The following ZNF142 variants were observed in gnomAD, a reference collection of about 807,000 sequenced individuals.
ZNF142 encodes zinc finger protein 142.
Under a neutral mutation model 132.1 loss-of-function variants are expected in ZNF142, and 96 were observed. That is an observed-to-expected ratio of 0.73 (90% CI 0.62 to 0.86). The LOEUF is 0.86. Among genes scored for constraint, ZNF142 ranks in the 40% least tolerant of loss-of-function variants. ZNF142 has a pLI of 0.00. For missense variants in ZNF142, 2,163 were observed against 2,336.2 expected, an observed-to-expected ratio of 0.93 and a Z score of 1.53; for synonymous variants, 842 against 890.1, an observed-to-expected ratio of 0.95 and a Z score of 0.96.
intron 10 of ZNF142, among the ~76,000 whole-genome samples, chr2:218,639,757 A>T (rs549370942): frequency 6.7e-6 from 1 of 150,336 alleles, no homozygotes; most frequent in South Asian, 2.1e-4. Flanking sequence ...AAAAAAGTAA[A>T]AGAAATACTT....
intron 4 of ZNF142, among the ~76,000 whole-genome samples, chr2:218,655,630 C>T (rs1461784727): frequency 3.9e-5 from 6 of 152,164 alleles, no homozygotes; most frequent in African/African-American, 1.4e-4. Context: ...GCTGAGACTA[C>T]AGGTGCATGC....
intron 9 of ZNF142, among the ~76,000 whole-genome samples, chr2:218,641,397 A>G (rs973759863): frequency 2.0e-5 from 3 of 151,696 alleles, no homozygotes; most frequent in African/African-American, 7.3e-5. Flanking sequence ...GGTGCCCGCC[A>G]CCACACCCGG....
rs141081638 is a variant in ZNF142, at chr2:218,658,291, G to A, written c.-35+410C>T. 3.3e-5 allele frequency among the ~76,000 whole-genome samples: 5 copies of A among 152,308 alleles called. No homozygotes were observed. The East Asian group carries it at 9.7e-4, about 29-fold the overall frequency. ...GCGGTGGCTCAGGCCTGTAATCCCA[G>A]CACTTTGGGAGGCCAAGGCGGGCCG... On this transcript the variant is annotated intron_variant, in intron 3 of 10. Coordinates refer to ENST00000411696, the MANE Select transcript of ZNF142 (RefSeq NM_001379659.1).
chr2:218,653,325 C>A (rs1012975593), intron 4 of ZNF142, among the ~76,000 whole-genome samples: 1 of 151,738 alleles, frequency 6.6e-6, no homozygotes. Flanking sequence ...CACCTGTAAT[C>A]CCAGCATTTT....
In ZNF142 at chr2:218,636,325, TTA is replaced by T; in HGVS notation, c.*2012_*2013del. Reference sequence around the variant, plus strand: ...CCATGCTGCGTTTTGTGGTAATGGATTATGACTGGAAATCCCGAAATGACTTT... The same window carrying T: ...CCATGCTGCGTTTTGTGGTAATGGATTGACTGGAAATCCCGAAATGACTTT... On this transcript the variant is annotated 3_prime_UTR_variant, in exon 11 of 11. Coordinates refer to ENST00000411696, the MANE Select transcript of ZNF142 (RefSeq NM_001379659.1). 6.2e-7 allele frequency: 1 copy of T among 1,614,044 alleles called. No homozygotes were observed. Among genetic ancestry groups the T allele is most frequent in the African/African-American group, 1.3e-5 (1 of 75,062 alleles).
rs1425877747 is a variant in ZNF142, at chr2:218,644,968, C to T, written c.2148G>A (p.Val716=). 2.5e-6 allele frequency: 4 copies of T among 1,614,058 alleles called. No homozygotes were observed. In the African/African-American group the frequency reaches 4.0e-5, roughly 16 times the overall value. The change falls in exon 9 of 11, where the codon GTG becomes GTA. Residue 716 remains valine, a synonymous_variant. Transcript: ENST00000411696. The surrounding 1 kb of genome is among the most constrained non-coding windows in gnomAD (Gnocchi z 4.6). ...ACTTCCGCTTGCAGGCGAAGGCACA[C>T]ACCTCACACATCAGAGACTTGCCCT... ...RHQGKSLMCE[V]CAFACKRKYE... is the part of the protein sequence containing the mutation.
chr2:218,634,361 T>C lies in ZNF142; in HGVS notation c.*3978A>G. The C allele has an allele frequency of 1.9e-6, 3 of 1,572,082 alleles. No individual in the cohort carries two copies. Among genetic ancestry groups the C allele is most frequent in the Non-Finnish European group, 2.6e-6 (3 of 1,155,734 alleles). On this transcript the variant is annotated 3_prime_UTR_variant, in exon 11 of 11. Coordinates refer to ENST00000411696, the MANE Select transcript of ZNF142 (RefSeq NM_001379659.1). This position sits in a 1 kb window ranked among gnomAD's most constrained non-coding sequence, Gnocchi z 4.0. ...GCTATCAGTGGATATTACCAGCAGG[T>C]ACCGTGCACCCAGTACCTATCTTCT...
rs758604324 is a variant in ZNF142, at chr2:218,636,309, G to A, written c.*2030C>T. The stretch of plus-strand genomic sequence containing the variant: ...CTGGTGCCTGAACTTGCCATGCTGC[G>A]TTTTGTGGTAATGGATTATGACTGG... On this transcript the variant is annotated 3_prime_UTR_variant, in exon 11 of 11. Transcript: ENST00000411696. The A allele has an allele frequency of 1.1e-5, 17 of 1,614,006 alleles. No individual in the cohort carries two copies. In the South Asian group the frequency reaches 1.1e-4, roughly 10 times the overall value.
chr2:218,640,527 AC>A, intron 10 of ZNF142, 136 bp downstream of exon 10: 1 of 737,008 alleles, frequency 1.4e-6, no homozygotes, highest in Non-Finnish European at 2.3e-6. Flanking sequence ...TCTGGCACAT[AC>A]AACCCCACCC....
Position 218,635,731 on chromosome 2 carries a change from G to T in ZNF142, c.*2608C>A. ...AAAAAGCTTCTTCTCCCCTGGGGTTGGGAGTAGGGTCGGGTGGGGCTGGGC... is the reference window on the plus strand; with the variant it reads ...AAAAAGCTTCTTCTCCCCTGGGGTTTGGAGTAGGGTCGGGTGGGGCTGGGC... On this transcript the variant is annotated 3_prime_UTR_variant, in exon 11 of 11. Coordinates refer to ENST00000411696, the MANE Select transcript of ZNF142 (RefSeq NM_001379659.1). 6.4e-7 allele frequency: 1 copy of T among 1,553,456 alleles called. No homozygotes were observed. Among genetic ancestry groups the T allele is most frequent in the South Asian group, 1.2e-5 (1 of 83,826 alleles).
chr2:218,652,272 G>T lies in ZNF142; in HGVS notation c.309C>A (p.Tyr103Ter). The T allele has an allele frequency of 2.2e-6, 1 of 457,070 alleles. No homozygotes were observed. The highest frequency in any genetic ancestry group is 1.5e-5 in the South Asian group (1 of 64,568). 28.3% of individuals were successfully genotyped at this position (457,070 alleles called of 1,614,324 possible). A position where few individuals can be genotyped will look rare whatever the true frequency, so the allele number is the denominator to read the frequency against. The change falls in exon 5 of 11, where the codon TAC (tyrosine) becomes TAA (stop). Residue 103 changes from tyrosine to a stop codon, truncating the protein, a stop_gained. Coordinates refer to ENST00000411696, the MANE Select transcript of ZNF142 (RefSeq NM_001379659.1). LOFTEE classifies it high-confidence loss of function. ...PGVLVKVVEV[Y>*]FCERCEQSFA... ...AGCTCTGTTCACAGCGCTCACAGAA[G>T]TACACCTCCACCACCTTTACCAGGA...
chr2:218,642,126 G>C lies in ZNF142; in HGVS notation c.4990C>G (p.Arg1664Gly), dbSNP rs766302289. The C allele has an allele frequency of 6.2e-7, 1 of 1,614,168 alleles. No homozygotes were observed. Among genetic ancestry groups the C allele is most frequent in the South Asian group, 1.1e-5 (1 of 91,084 alleles). The change falls in exon 9 of 11, where the codon CGA (arginine) becomes GGA (glycine). Residue 1664 changes from arginine to glycine, a missense_variant. By Grantham distance (125) the Arg-to-Gly change is moderately radical. Coordinates refer to ENST00000411696, the MANE Select transcript of ZNF142 (RefSeq NM_001379659.1). The surrounding 1 kb of genome is among the most constrained non-coding windows in gnomAD (Gnocchi z 4.6). ...CTDCAYSTKN[R>G]QKITWHSRIH... is the part of the protein sequence containing the mutation. The stretch of plus-strand genomic sequence containing the variant: ...CGGCTGTGCCAGGTGATCTTCTGTC[G>C]GTTCTTGGTGCTGTAAGCACAATCG...
At chr2:218,648,582 G>T in intron 7 of ZNF142, 53 bp downstream of exon 7, 1 of 1,544,716 alleles carries the variant, frequency 6.5e-7, no homozygotes, top group Non-Finnish European at 8.8e-7. Flanking sequence ...TTTGTAGCCA[G>T]TATCACCACC....
Position 218,649,223 on chromosome 2 carries a change from C to T in ZNF142, c.1285G>A (p.Val429Met). The change falls in exon 7 of 11, where the codon GTG (valine) becomes ATG (methionine). Residue 429 changes from valine to methionine, a missense_variant. By Grantham distance (21) the Val-to-Met change is conservative (BLOSUM62 1). Around this residue, in one of 7 missense-constraint regions of ZNF142, gnomAD observed 749 missense variants for 830.3 expected, o/e 0.90. Transcript: ENST00000411696. ...TGGCGGTTGAGTGCATTCCTCTCCA[C>T]CGCACTGTAGTGGCACAGTGGGCAG... ...HHCPLCHYSA[V>M]ERNALNRHMA... is the part of the protein sequence containing the mutation. 6.2e-7 allele frequency: 1 copy of T among 1,614,228 alleles called. No homozygotes were observed. Among genetic ancestry groups the T allele is most frequent in the Non-Finnish European group, 8.5e-7 (1 of 1,180,034 alleles).
intron 7 of ZNF142, 125 bp downstream of exon 7, chr2:218,648,510 C>G: frequency 1.1e-6 from 1 of 907,382 alleles, no homozygotes. Context: ...CATTTGTAAA[C>G]TTGGAATGCT....
rs1697434658 is a variant in ZNF142, at chr2:218,643,492, T to G, written c.3624A>C (p.Gly1208=). 6.2e-7 allele frequency: 1 copy of G among 1,613,910 alleles called. No individual in the cohort carries two copies. Among genetic ancestry groups the G allele is most frequent in the South Asian group, 1.1e-5 (1 of 91,068 alleles). Residue 1208 remains glycine, a synonymous_variant, in exon 9 of 11, where the codon GGA becomes GGC. Transcript: ENST00000411696. ...KHHLDPVPPA[G]NSSPTEALKK... ...TCAGGGCCTCTGTGGGTGAGGAGTTTCCTGCAGGAGGGACTGGGTCAAGGT... is the reference window on the plus strand; with the variant it reads ...TCAGGGCCTCTGTGGGTGAGGAGTTGCCTGCAGGAGGGACTGGGTCAAGGT...
chr2:218,650,043 AG>A (rs1414321095), intron 6 of ZNF142, among the ~76,000 whole-genome samples: 1 of 152,252 alleles, frequency 6.6e-6, no homozygotes, highest in Non-Finnish European at 1.5e-5. Context: ...CAGACAAAAT[AG>A]GCTGCTGATC....
chr2:218,638,198 A>G lies in ZNF142; in HGVS notation c.*141T>C. ...GTGATAATTTCAAAGTACTATAGCC[A>G]GAGTCCCAGGAAGGTTCTAGTCACC... is the stretch of plus-strand genomic sequence containing the variant. On this transcript the variant is annotated 3_prime_UTR_variant, in exon 11 of 11. Coordinates refer to ENST00000411696, the MANE Select transcript of ZNF142 (RefSeq NM_001379659.1). The G allele has an allele frequency of 1.5e-6, 1 of 675,164 alleles. No individual in the cohort carries two copies. Among genetic ancestry groups the G allele is most frequent in the Non-Finnish European group, 2.2e-6 (1 of 456,168 alleles). The allele number at this position is 675,164 out of a possible 1,614,324, so 41.8% of individuals were successfully genotyped here.
Position 218,642,089 on chromosome 2 carries a change from CCA to C in ZNF142, c.5025_5026del (p.Glu1677LysfsTer14). On this transcript the variant is annotated frameshift_variant, in exon 9 of 11. Coordinates refer to ENST00000411696, the MANE Select transcript of ZNF142 (RefSeq NM_001379659.1). LOFTEE classifies it high-confidence loss of function. The surrounding 1 kb of genome is among the most constrained non-coding windows in gnomAD (Gnocchi z 4.6). Reference sequence around the variant, plus strand: ...GAGGTGACAGTGGTAAGGCTTTTCCCCAGTGTGGATGCGGCTGTGCCAGGTGA... The same window carrying C: ...GAGGTGACAGTGGTAAGGCTTTTCCCGTGTGGATGCGGCTGTGCCAGGTGA... 1 of 1,614,202 alleles carries C rather than the reference CCA, an allele frequency of 6.2e-7. No individual in the cohort carries two copies. Among genetic ancestry groups the C allele is most frequent in the Non-Finnish European group, 8.5e-7 (1 of 1,180,032 alleles).
Sources: gnomAD v4.1 joint callset for allele counts (sites outside exome capture counted in the v4.1 genomes callset) on GRCh38, gnomAD v4.1.1 for gene constraint, gnomAD v4.1.1 regional missense constraint, Gnocchi (gnomAD v3.1) non-coding constraint, MANE v1.5 for transcripts, NCBI Gene and HGNC (gene_info 2026-07-23, HGNC 2026-07-21) for gene names.